The following PFKFB3 variants were observed in gnomAD, a reference collection of about 807,000 sequenced individuals.
The protein encoded by PFKFB3 is 6-phosphofructo-2-kinase/fructose-2,6-bisphosphatase 3.
PFKFB3 carries 33 observed loss-of-function variants against 68.0 expected under a neutral mutation model. That is an observed-to-expected ratio of 0.49 (90% CI 0.37 to 0.65). The LOEUF (loss-of-function observed/expected upper bound fraction) is 0.65, where lower values mean the gene tolerates loss of function less well. PFKFB3 is among the 30% of genes least tolerant of loss of function. The probability of loss-of-function intolerance (pLI) is 0.00; values close to 1 mark genes in which losing one functional copy is unlikely to be tolerated. For missense variants in PFKFB3, 586 were observed against 712.2 expected (o/e 0.82, Z 2.02); for synonymous variants, 315 against 288.2 (o/e 1.09, Z -0.94).
At chr10:6,280,010 G>GGGTT in the PFKFB3 span, among the ~76,000 whole-genome samples, 1 of 152,202 alleles carries the variant, frequency 6.6e-6, no homozygotes, top group African/African-American at 2.4e-5. Flanking sequence ...TTGGGAGACA[G>GGGTT]GGTTCCAGGG....
At chr10:6,295,570 C>T in the PFKFB3 span, among the ~76,000 whole-genome samples, 1 of 151,936 alleles carries the variant, frequency 6.6e-6, no homozygotes, top group East Asian at 1.9e-4. Context: ...TATACAGGCG[C>T]CATCTTGATG....
chr10:6,239,099 T>C (rs1846086691), downstream of PFKFB3, among the ~76,000 whole-genome samples: 2 of 152,194 alleles, frequency 1.3e-5, no homozygotes, highest in Admixed American at 1.3e-4. Context: ...ATGGGATTGC[T>C]GGGTCGGATG....
At chr10:6,324,543 C>T in the PFKFB3 span, among the ~76,000 whole-genome samples, 1 of 152,134 alleles carries the variant, frequency 6.6e-6, no homozygotes, top group East Asian at 1.9e-4. Context: ...TTGCCTGCCT[C>T]AGCCTCCTGA....
the PFKFB3 span, among the ~76,000 whole-genome samples, chr10:6,260,221 G>A: frequency 6.6e-6 from 1 of 152,000 alleles, no homozygotes; most frequent in Non-Finnish European, 1.5e-5. Flanking sequence ...AGACCATCCT[G>A]GCTAACACGT....
At chr10:6,318,532 C>T in the PFKFB3 span, among the ~76,000 whole-genome samples, 1 of 152,180 alleles carries the variant, frequency 6.6e-6, no homozygotes, top group Non-Finnish European at 1.5e-5. Context: ...CCTGCACGCC[C>T]GAGGCTGGCC....
In PFKFB3 at chr10:6,167,330, G is replaced by A. The variant is rs962261473; in HGVS notation, c.16+22317G>A. On this transcript the variant is annotated intron_variant, in intron 1 of 14. Coordinates refer to the PFKFB3 transcript ENST00000379789. ...CTGTGCGGGTCTCATTCAGCTCTGCGGTCCTCAGTGTCTGTCTGATACTGA... is the reference window on the plus strand; with the variant it reads ...CTGTGCGGGTCTCATTCAGCTCTGCAGTCCTCAGTGTCTGTCTGATACTGA... Among the ~76,000 whole-genome samples the A allele has an allele frequency of 2.6e-5, 4 of 152,206 alleles. No individual in the cohort carries two copies. The South Asian group carries it at 6.2e-4, about 24-fold the overall frequency.
At chr10:6,167,903 TTC>T (rs1286962350) in intron 1 of PFKFB3, among the ~76,000 whole-genome samples, 1 of 152,152 alleles carries the variant, frequency 6.6e-6, no homozygotes, top group Non-Finnish European at 1.5e-5. Flanking sequence ...TAAATTTTGT[TTC>T]TCTTTGCCTG....
rs917701029 is a variant in PFKFB3, at chr10:6,233,068, C to A, written c.*126C>A. On this transcript the variant is annotated 3_prime_UTR_variant, in exon 15 of 15. Coordinates refer to ENST00000379775, the MANE Select transcript of PFKFB3 (RefSeq NM_004566.4). ...GGGTGGGGTGGAGCAGCGGGGGAGCCTTGGCCGAAGAGAACCATGCTTGGC... is the reference window on the plus strand; with the variant it reads ...GGGTGGGGTGGAGCAGCGGGGGAGCATTGGCCGAAGAGAACCATGCTTGGC... 4.4e-5 allele frequency: 34 copies of A among 767,824 alleles called. 1 individual carries two copies. In the Middle Eastern group the frequency reaches 2.1e-3, roughly 48 times the overall value. 47.6% of individuals were successfully genotyped at this position (767,824 alleles called of 1,614,324 possible). A position where few individuals can be genotyped will look rare whatever the true frequency, so the allele number is the denominator to read the frequency against.
chr10:6,290,337 G>C, the PFKFB3 span, among the ~76,000 whole-genome samples: 5 of 151,738 alleles, frequency 3.3e-5, no homozygotes, highest in South Asian at 4.2e-4. Context: ...TATTGGCTGT[G>C]GGTTTGTCAT....
At chr10:6,243,382 TGAA>T (rs1846184001) in intron 14 of PFKFB3, among the ~76,000 whole-genome samples, 1 of 152,148 alleles carries the variant, frequency 6.6e-6, no homozygotes, top group African/African-American at 2.4e-5. Context: ...GCATCATGGA[TGAA>T]GTTAGTCAGG....
chr10:6,228,538 A>G lies in PFKFB3; in HGVS notation c.1515+2173A>G, dbSNP rs969686541. ...GTGGTTTAGGGCTCGGCATAAATCC[A>G]CATTTCCTTATCAGAATCAGATCTT... is the stretch of plus-strand genomic sequence containing the variant. On this transcript the variant is annotated intron_variant, in intron 14 of 14. Coordinates refer to ENST00000379775, the MANE Select transcript of PFKFB3 (RefSeq NM_004566.4). The surrounding 1 kb of genome is among the most constrained non-coding windows in gnomAD (Gnocchi z 4.5). Among the ~76,000 whole-genome samples, 11 of 151,866 alleles carry G rather than the reference A, an allele frequency of 7.2e-5. No homozygotes were observed. Among genetic ancestry groups the G allele is most frequent in the African/African-American group, 2.4e-4 (10 of 41,324 alleles).
rs760360550 is a variant in PFKFB3, at chr10:6,229,140, T to C, written c.1515+2775T>C. 11 of 512,626 alleles carry C rather than the reference T, an allele frequency of 2.1e-5. No individual in the cohort carries two copies. The highest frequency in any genetic ancestry group is 1.3e-4 in the South Asian group (9 of 70,800). The allele number at this position is 512,626 out of a possible 1,614,324, so 31.8% of individuals were successfully genotyped here. On this transcript the variant is annotated intron_variant, in intron 14 of 14. Coordinates refer to ENST00000379775, the MANE Select transcript of PFKFB3 (RefSeq NM_004566.4). The surrounding 1 kb of genome is among the most constrained non-coding windows in gnomAD (Gnocchi z 4.3). ...GAAAGGTGTGATGAGGAATGCAGCC[T>C]GAGATGCTGAAAAGAATGACTGGCT...
the PFKFB3 span, chr10:6,293,701 G>A: frequency 4.4e-5 from 14 of 318,016 alleles, no homozygotes; most frequent in Admixed American, 4.8e-4. Context: ...CTTATGCATG[G>A]TAATTGTCCA....
chr10:6,164,899 C>A (rs1842081680), intron 1 of PFKFB3, among the ~76,000 whole-genome samples: 1 of 152,178 alleles, frequency 6.6e-6, no homozygotes, highest in Non-Finnish European at 1.5e-5. Context: ...TTTCTCCTAT[C>A]TCAGAATAGA....
chr10:6,314,693 A>T, the PFKFB3 span, among the ~76,000 whole-genome samples: 1,599 of 152,336 alleles, frequency 0.01, 18 homozygotes, highest in Non-Finnish European at 0.017. Context: ...CACTGAGCAA[A>T]TGCTGAACAG....
chr10:6,299,973 T>TA, the PFKFB3 span, among the ~76,000 whole-genome samples: 1 of 145,938 alleles, frequency 6.9e-6, no homozygotes, highest in Non-Finnish European at 1.5e-5. Context: ...GAAGACTTTT[T>TA]TTTTTTTTTT....
intron 1 of PFKFB3, among the ~76,000 whole-genome samples, chr10:6,164,741 T>C (rs1353654084): frequency 6.6e-6 from 1 of 152,144 alleles, no homozygotes; most frequent in Non-Finnish European, 1.5e-5. Flanking sequence ...CAAAGGAATC[T>C]GTATCATGAA....
chr10:6,216,045 CG>C, intron 3 of PFKFB3, 79 bp from the exon 4 acceptor site: 1 of 1,204,056 alleles, frequency 8.3e-7, no homozygotes, highest in Non-Finnish European at 1.2e-6. Context: ...CTCTGCTTGT[CG>C]GGGCGTGTCG....
At chr10:6,241,529 C>CA (rs1456728217) in intron 14 of PFKFB3, among the ~76,000 whole-genome samples, 1 of 152,132 alleles carries the variant, frequency 6.6e-6, no homozygotes, top group East Asian at 1.9e-4. Context: ...AATCTGTGGC[C>CA]ATGTGTTAAA....
Sources: gnomAD v4.1 joint callset for allele counts (sites outside exome capture counted in the v4.1 genomes callset) on GRCh38, gnomAD v4.1.1 for gene constraint, Gnocchi (gnomAD v3.1) non-coding constraint, MANE v1.5 for transcripts, NCBI Gene and HGNC (gene_info 2026-07-23, HGNC 2026-07-21) for gene names.